The following ATP10D variants were observed in gnomAD, a reference collection of about 807,000 sequenced individuals.
ATP10D encodes ATPase phospholipid transporting 10D (putative).
Under a neutral mutation model 144.8 loss-of-function variants are expected in ATP10D, and 89 were observed. The observed-to-expected ratio is 0.61, with a 90% CI of 0.52 to 0.73. The LOEUF is 0.73. Among genes scored for constraint, ATP10D ranks in the 30% least tolerant of loss-of-function variants. The pLI is 0.00. For synonymous variants in ATP10D, 571 were observed against 615.1 expected, an observed-to-expected ratio of 0.93 and a Z score of 1.06; for missense variants, 1,603 against 1,714.8, an observed-to-expected ratio of 0.93 and a Z score of 1.15.
chr4:47,569,034 G>C lies in ATP10D; in HGVS notation c.3051G>C (p.Leu1017=). 6.2e-7 allele frequency: 1 copy of C among 1,614,212 alleles called. No homozygotes were observed. Among genetic ancestry groups the C allele is most frequent in the South Asian group, 1.1e-5 (1 of 91,080 alleles). The change falls in exon 16 of 23, where the codon CTG becomes CTC. Residue 1017 remains leucine (L), a synonymous_variant. Coordinates refer to ENST00000273859, the MANE Select transcript of ATP10D (RefSeq NM_020453.4). ...AAGAAAGTCTGCAAAAGCAGTTCCTGGAACTGACATCTTGGTGTCAAGCTG... is the reference window on the plus strand; with the variant it reads ...AAGAAAGTCTGCAAAAGCAGTTCCTCGAACTGACATCTTGGTGTCAAGCTG... ...ALQESLQKQF[L]ELTSWCQAVV...
At chr4:47,527,037 C>T (rs1396414644) in intron 5 of ATP10D, among the ~76,000 whole-genome samples, 1 of 152,062 alleles carries the variant, frequency 6.6e-6, no homozygotes, top group Non-Finnish European at 1.5e-5. Context: ...AAGGCTAAAA[C>T]CACATGATTG....
Position 47,554,897 on chromosome 4 carries a change from A to G in ATP10D, c.1807A>G (p.Asn603Asp), listed in dbSNP as rs1435036339. Reference protein sequence around the residue: ...ICNTVVVSAPNQPRQKIRHPS... With the variant: ...ICNTVVVSAPDQPRQKIRHPS... Reference sequence around the variant, plus strand: ...CAACACAGTAGTGGTTTCTGCTCCTAACCAACCCCGACAAAAGGTGAGTAA... The same window carrying G: ...CAACACAGTAGTGGTTTCTGCTCCTGACCAACCCCGACAAAAGGTGAGTAA... The change falls in exon 11 of 23, where the codon AAC (asparagine) becomes GAC (aspartate). Residue 603 changes from asparagine to aspartate, a missense_variant. Physicochemically the swap from Asn to Asp is conservative, Grantham distance 23 (BLOSUM62 1). Transcript: ENST00000273859. 1.9e-6 allele frequency: 3 copies of G among 1,613,724 alleles called. 1 individual carries two copies. The South Asian group carries it at 3.3e-5, about 18-fold the overall frequency.
chr4:47,493,582 T>C (rs191868872), intron 1 of ATP10D, among the ~76,000 whole-genome samples: 3 of 152,356 alleles, frequency 2.0e-5, no homozygotes, highest in Admixed American at 1.3e-4. Flanking sequence ...TTTTGACTTA[T>C]GATATTTTCA....
chr4:47,543,076 A>G (rs1385501617), intron 9 of ATP10D, among the ~76,000 whole-genome samples: 2 of 152,190 alleles, frequency 1.3e-5, no homozygotes, highest in Non-Finnish European at 2.9e-5. Flanking sequence ...GTAAAATAAG[A>G]TATTTTGAGA....
At chr4:47,580,288 A>G in intron 19 of ATP10D, 110 bp from the exon 20 acceptor site, 1 of 872,508 alleles carries the variant, frequency 1.1e-6, no homozygotes, top group Non-Finnish European at 1.9e-6. Context: ...TACCACTTGA[A>G]GAAATGGAGC....
intron 10 of ATP10D, among the ~76,000 whole-genome samples, chr4:47,554,342 G>T (rs1206313385): frequency 6.6e-6 from 1 of 152,176 alleles, no homozygotes; most frequent in African/African-American, 2.4e-5. Flanking sequence ...AAGTTTAAGA[G>T]TTAGTATTCA....
At chr4:47,586,453 A>G (rs1720796484) in intron 21 of ATP10D, among the ~76,000 whole-genome samples, 1 of 152,222 alleles carries the variant, frequency 6.6e-6, no homozygotes, top group African/African-American at 2.4e-5. Flanking sequence ...AAAATTGCAG[A>G]CAAGCTCTTA....
intron 1 of ATP10D, among the ~76,000 whole-genome samples, chr4:47,502,544 T>C (rs1480262892): frequency 6.7e-6 from 1 of 149,410 alleles, no homozygotes; most frequent in Non-Finnish European, 1.5e-5. Flanking sequence ...GGACCATCCA[T>C]AAAATATATA....
chr4:47,533,782 C>T (rs893087303), intron 5 of ATP10D, among the ~76,000 whole-genome samples: 1 of 152,160 alleles, frequency 6.6e-6, no homozygotes, highest in African/African-American at 2.4e-5. Context: ...ACCCATGTGG[C>T]GTCACTCAGC....
intron 1 of ATP10D, among the ~76,000 whole-genome samples, chr4:47,502,660 A>G (rs922358894): frequency 1.8e-4 from 26 of 148,370 alleles, no homozygotes; most frequent in African/African-American, 6.4e-4. Flanking sequence ...TGTATGTAAT[A>G]TTACACATAT....
intron 9 of ATP10D, among the ~76,000 whole-genome samples, chr4:47,546,291 A>G (rs774304534): frequency 4.0e-5 from 6 of 151,580 alleles, no homozygotes; most frequent in Non-Finnish European, 8.8e-5. Context: ...CATTGAGTTC[A>G]GGGAGGTGAG....
chr4:47,565,212 G>A (rs4695251), intron 15 of ATP10D, among the ~76,000 whole-genome samples: 70,869 of 151,816 alleles, frequency 0.47, 17,614 homozygotes, highest in East Asian at 0.7. Flanking sequence ...CGCCCGCCTC[G>A]GCCTCCCAAA....
At chr4:47,521,139 C>A (rs1380018030) in intron 3 of ATP10D, among the ~76,000 whole-genome samples, 1 of 152,146 alleles carries the variant, frequency 6.6e-6, no homozygotes, top group Non-Finnish European at 1.5e-5. Context: ...CCCTGAGAAA[C>A]CTTATCCTTA....
chr4:47,539,883 C>T (rs565768433), intron 9 of ATP10D, among the ~76,000 whole-genome samples: 1 of 152,308 alleles, frequency 6.6e-6, no homozygotes, highest in East Asian at 1.9e-4. Context: ...ATACATATCC[C>T]TGCCCAAGTG....
intron 2 of ATP10D, among the ~76,000 whole-genome samples, chr4:47,513,247 A>G (rs1408578394): frequency 6.6e-6 from 1 of 152,192 alleles, no homozygotes; most frequent in Non-Finnish European, 1.5e-5. Context: ...GCCAGTGCAG[A>G]TGTCAGATGT....
At chr4:47,539,752 T>C (rs1718036609) in intron 9 of ATP10D, among the ~76,000 whole-genome samples, 1 of 152,214 alleles carries the variant, frequency 6.6e-6, no homozygotes, top group Non-Finnish European at 1.5e-5. Flanking sequence ...GCAGCAACAA[T>C]GTTTCATAAA....
chr4:47,583,337 G>A (rs1211703032), intron 21 of ATP10D: 4 of 152,138 alleles, frequency 2.6e-5, no homozygotes, highest in African/African-American at 7.2e-5. Context: ...TTTGGGTTAT[G>A]TTTACCGTCC....
intron 1 of ATP10D, among the ~76,000 whole-genome samples, chr4:47,509,236 T>G (rs544772592): frequency 2.8e-4 from 1 of 3,600 alleles, no homozygotes; most frequent in Non-Finnish European, 1.1e-3. Flanking sequence ...AAAATATTAT[T>G]TCTTTTTATT....
At position 47,568,864 on chromosome 4, in the gene ATP10D, A is replaced by G. The variant is rs199756910; in HGVS notation, c.2881A>G (p.Ile961Val). 281 of 1,614,086 alleles carry G rather than the reference A, an allele frequency of 1.7e-4. No individual in the cohort carries two copies. The highest frequency in any genetic ancestry group is 2.2e-4 in the Non-Finnish European group (264 of 1,179,992). Residue 961 changes from isoleucine to valine, a missense_variant, in exon 16 of 23, where the codon ATT (isoleucine) becomes GTT (valine). Coordinates refer to ENST00000273859, the MANE Select transcript of ATP10D (RefSeq NM_020453.4). Reference sequence around the variant, plus strand: ...TGCCTGTGGGATGCTGATGAGCACAATTTTGAAAGAACTTCAGAAGAAAAC... The same window carrying G: ...TGCCTGTGGGATGCTGATGAGCACAGTTTTGAAAGAACTTCAGAAGAAAAC... ...KDACGMLMST[I>V]LKELQKKTQA... is the part of the protein sequence containing the mutation.
Sources: allele counts gnomAD v4.1 joint callset (sites outside exome capture counted in the v4.1 genomes callset), GRCh38; gene constraint gnomAD v4.1.1; transcripts MANE v1.5; gene names NCBI Gene and HGNC (gene_info 2026-07-23, HGNC 2026-07-21).